The following CDH3 variants were observed in gnomAD, a reference collection of about 807,000 sequenced individuals.
CDH3 encodes cadherin 3, also known as cadherin-3.
Under a neutral mutation model 82.0 loss-of-function variants are expected in CDH3, and 54 were observed. That is an observed-to-expected ratio of 0.66 (90% CI 0.53 to 0.83). CDH3 has a LOEUF of 0.83. CDH3 is among the 40% of genes least tolerant of loss of function. CDH3 has a pLI of 0.00. For missense variants in CDH3, 1,054 were observed against 1,084.6 expected (o/e 0.97, Z 0.40); for synonymous variants, 446 against 437.9 (o/e 1.02, Z -0.23).
intron 6 of CDH3, 34 bp from the exon 7 acceptor site, chr16:68,679,765 C>G: frequency 7.3e-7 from 1 of 1,372,964 alleles, no homozygotes; most frequent in Non-Finnish European, 1.0e-6. Context: ...GGAGTTGGAA[C>G]TGGGAGGAAA....
chr16:68,686,422 G>C, intron 11 of CDH3: 1 of 1,374,518 alleles, frequency 7.3e-7, no homozygotes, highest in Non-Finnish European at 1.0e-6. Context: ...CTCTTTGACC[G>C]AGTATTGGTT....
chr16:68,691,565 A>G (rs1216979459), intron 12 of CDH3, among the ~76,000 whole-genome samples, 155 bp from the exon 13 acceptor site: 2 of 152,178 alleles, frequency 1.3e-5, no homozygotes, highest in Non-Finnish European at 2.9e-5. Context: ...CTTTAGCCAA[A>G]GATCAGCTTT....
intron 2 of CDH3, among the ~76,000 whole-genome samples, chr16:68,656,734 G>C (rs895861068): frequency 1.3e-5 from 2 of 152,186 alleles, no homozygotes; most frequent in Non-Finnish European, 2.9e-5. Flanking sequence ...TCTGGCCCCA[G>C]CCAAATTAGA....
intron 1 of CDH3, among the ~76,000 whole-genome samples, chr16:68,711,289 A>G (rs1161863532): frequency 6.6e-6 from 1 of 152,150 alleles, no homozygotes; most frequent in Non-Finnish European, 1.5e-5. Context: ...AGCCTGGGCA[A>G]CAAAAGTGAA....
rs368020659 is a variant in CDH3 at position 68,646,510 on chromosome 16, C to CCCCG, written c.160+761_160+762insCCGC. 3.7e-3 allele frequency among the ~76,000 whole-genome samples: 515 copies of CCCCG among 140,152 alleles called. 12 individuals carry two copies. The South Asian group carries it at 0.054, about 15-fold the overall frequency. 91.9% of individuals were successfully genotyped at this position (140,152 alleles called of 152,430 possible). On this transcript the variant is annotated intron_variant, in intron 2 of 15. Coordinates refer to ENST00000264012, the MANE Select transcript of CDH3 (RefSeq NM_001793.6). ...ATCCCTCAGTTACTCCTACCCCCCC[C>CCCCG]CTCCCCGCCCCAAGTTCAAAAACCT...
downstream of CDH3, among the ~76,000 whole-genome samples, chr16:68,702,882 G>C (rs766127968): frequency 1.3e-5 from 2 of 151,958 alleles, no homozygotes; most frequent in Non-Finnish European, 2.9e-5. Context: ...AAAAGTGGAG[G>C]CTTACTGGAA....
rs1961254128 is a variant in CDH3, at chr16:68,682,373, C to T, written c.1068C>T (p.Ala356=). ...VQRLTVTDLD[A]PNSPAWRATY... ...GGCTGACGGTCACTGATCTGGACGC[C>T]CCCAACTCACCAGCGTGGCGTGCCA... The change falls in exon 9 of 16, where the codon GCC becomes GCT. Residue 356 remains alanine, a synonymous_variant. Transcript: ENST00000264012. The T allele has an allele frequency of 1.2e-6, 2 of 1,613,902 alleles. No homozygotes were observed. The highest frequency in any genetic ancestry group is 1.3e-5 in the African/African-American group (1 of 74,904).
intron 1 of CDH3, among the ~76,000 whole-genome samples, chr16:68,711,836 C>A (rs1962034738): frequency 6.6e-6 from 1 of 151,946 alleles, no homozygotes; most frequent in Admixed American, 6.6e-5. Context: ...CAGTATCGGA[C>A]AGTGGAGTGG....
intron 2 of CDH3, among the ~76,000 whole-genome samples, chr16:68,663,786 T>C (rs1960662498): frequency 6.6e-6 from 1 of 151,774 alleles, no homozygotes; most frequent in African/African-American, 2.4e-5. Context: ...ATGCTAAGTA[T>C]TTTTTTTAAT....
intron 2 of CDH3, among the ~76,000 whole-genome samples, chr16:68,726,764 A>G (rs1477513770): frequency 6.6e-6 from 1 of 151,964 alleles, no homozygotes; most frequent in Non-Finnish European, 1.5e-5. Context: ...TATTTTTAGT[A>G]GAGACGGGGT....
rs965448981 is a variant in CDH3 at position 68,686,424 on chromosome 16, G to T, written c.1570+1074G>T. The T allele has an allele frequency of 9.4e-6, 13 of 1,378,648 alleles. No individual in the cohort carries two copies. The Admixed American group carries it at 1.5e-4, about 16-fold the overall frequency. 85.4% of individuals were successfully genotyped at this position (1,378,648 alleles called of 1,614,324 possible). A position where few individuals can be genotyped will look rare whatever the true frequency, so the allele number is the denominator to read the frequency against. On this transcript the variant is annotated intron_variant, in intron 11 of 15. Coordinates refer to ENST00000264012, the MANE Select transcript of CDH3 (RefSeq NM_001793.6). The stretch of plus-strand genomic sequence containing the variant: ...AAAGTTTCTTCCACTCTTTGACCGA[G>T]TATTGGTTGAAAGGAGCGCCGCTGA...
chr16:68,649,645 C>T (rs1057289626), intron 2 of CDH3, among the ~76,000 whole-genome samples: 3 of 152,016 alleles, frequency 2.0e-5, no homozygotes, highest in Non-Finnish European at 4.4e-5. Flanking sequence ...AGGGGGGTCC[C>T]TGTGCAGTAC....
chr16:68,691,118 G>A (rs188251357), intron 12 of CDH3, among the ~76,000 whole-genome samples: 9 of 145,332 alleles, frequency 6.2e-5, no homozygotes, highest in Admixed American at 3.6e-4. Context: ...TGATTCTCCT[G>A]CCTCAGCCTC....
At chr16:68,713,225 G>T (rs1481597334) in intron 1 of CDH3, among the ~76,000 whole-genome samples, 1 of 151,966 alleles carries the variant, frequency 6.6e-6, no homozygotes. Context: ...AAATTAAGTC[G>T]CTTCACTTTT....
chr16:68,708,611 T>G (rs1183311446), intron 1 of CDH3, among the ~76,000 whole-genome samples: 4 of 151,854 alleles, frequency 2.6e-5, no homozygotes, highest in Non-Finnish European at 4.4e-5. Context: ...TTTTCTGTCT[T>G]TCTTTCTTTT....
At chr16:68,733,457 CAG>C in the CDH3 span, among the ~76,000 whole-genome samples, 2 of 152,000 alleles carry the variant, frequency 1.3e-5, no homozygotes, top group South Asian at 2.1e-4. Flanking sequence ...CAAGAGAAAA[CAG>C]AGGGCAGGCA....
intron 11 of CDH3, among the ~76,000 whole-genome samples, chr16:68,687,300 A>T (rs778142146): frequency 1.3e-5 from 2 of 152,138 alleles, no homozygotes; most frequent in African/African-American, 2.4e-5. Context: ...GGCTGTCTGG[A>T]TGAAGTGGCT....
In CDH3 at chr16:68,685,363, TC is replaced by T. The variant is rs1424013475; in HGVS notation, c.1570+16del. ...GCCATGGACAATGGTGAGAGCATCC[TC>T]CCAGCCCTCCCACAAGGGCCACTTT... On this transcript the variant is annotated intron_variant, in intron 11 of 15. Coordinates refer to ENST00000264012, the MANE Select transcript of CDH3 (RefSeq NM_001793.6). 1 of 1,613,574 alleles carries T rather than the reference TC, an allele frequency of 6.2e-7. No homozygotes were observed. The highest frequency in any genetic ancestry group is 8.5e-7 in the Non-Finnish European group (1 of 1,179,892).
chr16:68,668,766 T>C (rs1960808011), intron 2 of CDH3, among the ~76,000 whole-genome samples: 1 of 152,166 alleles, frequency 6.6e-6, no homozygotes. Context: ...CTTCCCACTT[T>C]GAGAGAGAAT....
Sources: gnomAD v4.1 joint callset for allele counts (sites outside exome capture counted in the v4.1 genomes callset) on GRCh38, gnomAD v4.1.1 for gene constraint, MANE v1.5 for transcripts, NCBI Gene and HGNC (gene_info 2026-07-23, HGNC 2026-07-21) for gene names.